The following TENM2 variants were observed in gnomAD, a reference collection of about 807,000 sequenced individuals.
TENM2 encodes the protein teneurin transmembrane protein 2, also known as teneurin-2.
TENM2 carries 52 observed loss-of-function variants against 245.2 expected under a neutral mutation model. The ratio of observed to expected loss-of-function variants is 0.21; its 90% CI spans 0.17 to 0.27. TENM2 has a LOEUF of 0.27. Ranked by LOEUF, TENM2 falls within the 10% of genes least tolerant of loss-of-function variation. The pLI is 1.00. For synonymous variants in TENM2, 1,363 were observed against 1,438.9 expected, an observed-to-expected ratio of 0.95 and a Z score of 1.19; for missense variants, 3,046 against 3,666.8, an observed-to-expected ratio of 0.83 and a Z score of 4.37.
intron 2 of TENM2, among the ~76,000 whole-genome samples, chr5:167,678,391 C>T (rs1290459954): frequency 6.6e-6 from 1 of 151,984 alleles, no homozygotes; most frequent in East Asian, 1.9e-4. Flanking sequence ...CAATGCAGGG[C>T]GTTTTTTACT....
chr5:167,007,095 TCTC>T, the TENM2 span, among the ~76,000 whole-genome samples: 3 of 152,320 alleles, frequency 2.0e-5, no homozygotes, highest in South Asian at 4.1e-4. The surrounding 1 kb of genome is among the most constrained non-coding windows in gnomAD (Gnocchi z 4.2). Context: ...ATTTACCCAT[TCTC>T]CTGCTACTGA....
intron 2 of TENM2, among the ~76,000 whole-genome samples, chr5:167,469,383 C>G (rs530625109): frequency 2.4e-4 from 37 of 152,198 alleles, no homozygotes; most frequent in Non-Finnish European, 4.4e-4. Flanking sequence ...TTATGATAAG[C>G]ATTTGTTATT....
rs562130471 is a variant in TENM2, at chr5:168,215,525, C to T, written c.4078+253C>T. Among the ~76,000 whole-genome samples, 7 of 152,114 alleles carry T rather than the reference C, an allele frequency of 4.6e-5. No individual in the cohort carries two copies. In the South Asian group the frequency reaches 1.3e-3, roughly 27 times the overall value. On this transcript the variant is annotated intron_variant, in intron 21 of 28. Transcript: ENST00000518659. ...CTACTAAAAATTACAAAAAATTAGCCGGGCGTGGCGGTGGGCGCCTGTAGT... is the reference window on the plus strand; with the variant it reads ...CTACTAAAAATTACAAAAAATTAGCTGGGCGTGGCGGTGGGCGCCTGTAGT...
At chr5:167,929,637 A>G (rs539434714) in intron 3 of TENM2, among the ~76,000 whole-genome samples, 24 of 152,286 alleles carry the variant, frequency 1.6e-4, no homozygotes, top group South Asian at 6.2e-4. Flanking sequence ...TTTATGGAAT[A>G]TTATTTCTGG....
the TENM2 span, among the ~76,000 whole-genome samples, chr5:167,066,718 T>G: frequency 6.6e-6 from 1 of 152,186 alleles, no homozygotes; most frequent in Non-Finnish European, 1.5e-5. Flanking sequence ...TGGCAGTTTT[T>G]AATTTTTGTT....
intron 2 of TENM2, among the ~76,000 whole-genome samples, chr5:167,688,706 A>G (rs961977304): frequency 6.6e-6 from 1 of 152,228 alleles, no homozygotes; most frequent in Non-Finnish European, 1.5e-5. Flanking sequence ...AGCAGTTTTT[A>G]CATAAAGCTT....
chr5:167,571,333 A>G (rs1247212321), intron 2 of TENM2, among the ~76,000 whole-genome samples: 1 of 152,208 alleles, frequency 6.6e-6, no homozygotes, highest in Non-Finnish European at 1.5e-5. Context: ...GCTGGGATTC[A>G]ATCTTAGGCA....
intron 2 of TENM2, among the ~76,000 whole-genome samples, chr5:167,487,926 C>T (rs1402627615): frequency 1.3e-5 from 2 of 152,082 alleles, no homozygotes; most frequent in African/African-American, 4.8e-5. Flanking sequence ...ATTTTCTGGT[C>T]ATAGAAGGTA....
intron 2 of TENM2, among the ~76,000 whole-genome samples, chr5:167,694,974 T>C (rs942996667): frequency 1.3e-5 from 2 of 152,222 alleles, no homozygotes; most frequent in African/African-American, 4.8e-5. Flanking sequence ...GACATGTGGA[T>C]GTATCCTGTA....
chr5:167,341,267 C>G (rs779170509), intron 1 of TENM2, among the ~76,000 whole-genome samples: 98 of 152,228 alleles, frequency 6.4e-4, no homozygotes, highest in Non-Finnish European at 1.2e-3. Flanking sequence ...AGCTCAGAAC[C>G]TAACTGAGTC....
chr5:167,060,015 T>A, the TENM2 span, among the ~76,000 whole-genome samples: 21 of 152,224 alleles, frequency 1.4e-4, no homozygotes, highest in African/African-American at 4.8e-4. Flanking sequence ...AATAAGTAAA[T>A]TTCTATATAG....
exon 29 of TENM2, chr5:168,262,330 C>A: frequency 6.2e-7 from 1 of 1,609,648 alleles, no homozygotes; most frequent in Non-Finnish European, 8.5e-7. Flanking sequence ...GCATCGAGGG[C>A]AAGGACACCC....
chr5:166,980,173 A>G, the TENM2 span, among the ~76,000 whole-genome samples: 2 of 152,344 alleles, frequency 1.3e-5, no homozygotes, highest in East Asian at 3.9e-4. Flanking sequence ...GCTTTAGTGC[A>G]TCACATACTG....
intron 1 of TENM2, chr5:167,287,311 A>C (rs2127713479): frequency 6.6e-6 from 1 of 152,294 alleles, no homozygotes; most frequent in African/African-American, 2.4e-5. Context: ...TAATAACAAT[A>C]ATTTTTTTAA....
the TENM2 span, among the ~76,000 whole-genome samples, chr5:166,999,851 GCAGAAT>G: frequency 6.6e-6 from 1 of 150,420 alleles, no homozygotes; most frequent in African/African-American, 2.5e-5. Context: ...TGGTGTGTGA[GCAGAAT>G]TGCCCAGGGA....
chr5:167,394,733 C>G (rs554779215), intron 2 of TENM2, among the ~76,000 whole-genome samples: 8 of 151,966 alleles, frequency 5.3e-5, no homozygotes, highest in Non-Finnish European at 8.8e-5. Flanking sequence ...ATAGCTGGAA[C>G]TTCAGACTCA....
intron 13 of TENM2, among the ~76,000 whole-genome samples, chr5:168,173,012 A>T (rs768272478): frequency 9.2e-5 from 14 of 152,054 alleles, no homozygotes; most frequent in Non-Finnish European, 2.1e-4. Flanking sequence ...CCCACTCACA[A>T]CCAAGACCAA....
the TENM2 span, among the ~76,000 whole-genome samples, chr5:167,066,653 C>G: frequency 6.3e-3 from 938 of 150,054 alleles, 42 homozygotes; most frequent in East Asian, 0.13. Context: ...ATTTCATGAA[C>G]AAATCAAATG....
chr5:167,914,537 G>A (rs986956034), intron 3 of TENM2, among the ~76,000 whole-genome samples: 7 of 152,062 alleles, frequency 4.6e-5, no homozygotes, highest in South Asian at 2.1e-4. Flanking sequence ...CTGATTGGTC[G>A]ACTTAACCTC....
Sources: gnomAD v4.1 joint callset for allele counts (sites outside exome capture counted in the v4.1 genomes callset) on GRCh38, gnomAD v4.1.1 for gene constraint, Gnocchi (gnomAD v3.1) non-coding constraint, MANE v1.5 for transcripts, NCBI Gene and HGNC (gene_info 2026-07-23, HGNC 2026-07-21) for gene names.